The following TRIOBP variants were observed in gnomAD, a reference collection of about 807,000 sequenced individuals.
TRIOBP encodes TRIO and F-actin binding protein.
TRIOBP carries 169 observed loss-of-function variants against 238.8 expected under a neutral mutation model. The observed-to-expected ratio is 0.71, with a 90% confidence interval of 0.62 to 0.80. TRIOBP has a LOEUF of 0.80. TRIOBP is among the 30% of genes least tolerant of loss of function. The pLI is 0.00. For synonymous variants in TRIOBP, 1,150 were observed against 1,274.4 expected, an observed-to-expected ratio of 0.90 and a Z score of 2.08; for missense variants, 2,838 against 3,122.6, an observed-to-expected ratio of 0.91 and a Z score of 2.17.
intron 19 of TRIOBP, 116 bp from the exon 20 acceptor site, chr22:37,768,912 G>C: frequency 6.8e-7 from 1 of 1,469,628 alleles, no homozygotes; most frequent in Non-Finnish European, 9.5e-7. Flanking sequence ...CAGGCTAAAG[G>C]CAAACCTAGA....
chr22:37,720,936 C>T (rs979925699), intron 6 of TRIOBP, among the ~76,000 whole-genome samples: 7 of 152,104 alleles, frequency 4.6e-5, no homozygotes, highest in Admixed American at 1.3e-4. Flanking sequence ...CAGCTCACTG[C>T]AACCTCCACC....
At chr22:37,754,087 G>A (rs1925775923) in intron 12 of TRIOBP, among the ~76,000 whole-genome samples, 1 of 152,178 alleles carries the variant, frequency 6.6e-6, no homozygotes, top group Admixed American at 6.5e-5. Flanking sequence ...ACCTGCTGCG[G>A]ATGTGGGTAG....
intron 15 of TRIOBP, 125 bp downstream of exon 15, chr22:37,755,784 G>A (rs1321347219): frequency 2.6e-6 from 2 of 782,996 alleles, no homozygotes; most frequent in East Asian, 2.7e-5. Flanking sequence ...AACAACATGG[G>A]AAGAGAGTAG....
rs751568015 is a variant in TRIOBP at position 37,757,699 on chromosome 22, C to A, written c.5774C>A (p.Ser1925Tyr). ...AAGGCAGGGGAGCAGCGGGCGGGCT[C>A]TGAGGTCATCAGCCGGGGTGGCCCT... is the stretch of plus-strand genomic sequence containing the variant. ...PLKAGEQRAG[S>Y]EVISRGGPRK... The change falls in exon 16 of 24, where the codon TCT becomes TAT. Residue 1925 changes from serine to tyrosine, a missense_variant. Ser to Tyr is a moderately radical substitution (Grantham distance 144, BLOSUM62 -2). This residue lies in a region of TRIOBP where 2,096 missense variants were observed against 2,137.4 expected (regional missense o/e 0.98). Transcript: ENST00000644935. 1.3e-5 allele frequency: 20 copies of A among 1,584,112 alleles called. No individual in the cohort carries two copies. In the South Asian group the frequency reaches 2.2e-4, roughly 17 times the overall value.
At chr22:37,736,315 C>T (rs896215747) in intron 9 of TRIOBP, among the ~76,000 whole-genome samples, 1 of 152,170 alleles carries the variant, frequency 6.6e-6, no homozygotes, top group Non-Finnish European at 1.5e-5. Context: ...ATGGACCAAC[C>T]ACTTCTCTGA....
At chr22:37,712,145 C>T (rs1428717631) in intron 4 of TRIOBP, among the ~76,000 whole-genome samples, 1 of 151,764 alleles carries the variant, frequency 6.6e-6, no homozygotes, top group African/African-American at 2.4e-5. Context: ...AGTCTCTTGA[C>T]CTCTCTGAGC....
At chr22:37,755,782 G>A (rs1925888441) in intron 15 of TRIOBP, 123 bp downstream of exon 15, 7 of 793,916 alleles carry the variant, frequency 8.8e-6, no homozygotes, top group Non-Finnish European at 1.5e-5. Context: ...TCAACAACAT[G>A]GGAAGAGAGT....
intron 11 of TRIOBP, among the ~76,000 whole-genome samples, chr22:37,747,229 G>T (rs1350724648): frequency 1.3e-5 from 2 of 152,198 alleles, no homozygotes; most frequent in African/African-American, 4.8e-5. Context: ...GTTGCCCGAG[G>T]TCACCCCAAG....
intron 3 of TRIOBP, among the ~76,000 whole-genome samples, chr22:37,704,009 G>A (rs546793204): frequency 6.6e-6 from 1 of 152,114 alleles, no homozygotes; most frequent in Non-Finnish European, 1.5e-5. Context: ...ACCCGAGACC[G>A]TGGGTCAGCT....
At chr22:37,768,970 T>G in intron 19 of TRIOBP, 58 bp from the exon 20 acceptor site, 1 of 1,611,364 alleles carries the variant, frequency 6.2e-7, no homozygotes, top group Non-Finnish European at 8.5e-7. Context: ...CTGACTGGAC[T>G]CCAGGCTTGG....
intron 2 of TRIOBP, among the ~76,000 whole-genome samples, chr22:37,699,575 C>G: frequency 6.6e-6 from 1 of 152,162 alleles, no homozygotes; most frequent in South Asian, 2.1e-4. Flanking sequence ...GAGTCTCACT[C>G]TTATCACCCA....
chr22:37,717,932 G>A (rs1405047190), intron 6 of TRIOBP, among the ~76,000 whole-genome samples: 4 of 152,230 alleles, frequency 2.6e-5, no homozygotes, highest in Non-Finnish European at 4.4e-5. Context: ...AGGAGCCCAC[G>A]GAGGCGGGGG....
chr22:37,763,121 C>T (rs1926322150), intron 17 of TRIOBP, among the ~76,000 whole-genome samples: 1 of 152,174 alleles, frequency 6.6e-6, no homozygotes, highest in Non-Finnish European at 1.5e-5. Flanking sequence ...GGTCTGCCTG[C>T]CTGGTCTGGC....
At chr22:37,739,085 C>T (rs919415306) in intron 10 of TRIOBP, among the ~76,000 whole-genome samples, 3 of 152,116 alleles carry the variant, frequency 2.0e-5, no homozygotes, top group South Asian at 4.1e-4. Flanking sequence ...AGGGCTTCCA[C>T]GAGCAGGAGC....
intron 6 of TRIOBP, among the ~76,000 whole-genome samples, chr22:37,721,783 G>A (rs1185682809): frequency 6.6e-6 from 1 of 152,162 alleles, no homozygotes; most frequent in Non-Finnish European, 1.5e-5. Flanking sequence ...ACCCATAGTT[G>A]TGGCTCCTTT....
chr22:37,713,401 C>G lies in TRIOBP; in HGVS notation c.446C>G (p.Ser149Trp). The change falls in exon 5 of 24, where the codon TCG becomes TGG. Residue 149 changes from serine to tryptophan, a missense_variant. Ser to Trp is a radical substitution (Grantham distance 177). Transcript: ENST00000644935. ...DSATPDDTSN[S>W]SSVDWDTVER... ...GCCACCCCTGATGATACCAGCAACT[C>G]GTCCTCTGTGGTGAGCCAGGAGTGG... 2 of 1,613,176 alleles carry G rather than the reference C, an allele frequency of 1.2e-6. No homozygotes were observed. Among genetic ancestry groups the G allele is most frequent in the Non-Finnish European group, 1.7e-6 (2 of 1,180,012 alleles).
chr22:37,704,380 C>CACAGAACAGAACAGA (rs1569031477), intron 3 of TRIOBP, among the ~76,000 whole-genome samples: 2 of 133,792 alleles, frequency 1.5e-5, no homozygotes, highest in African/African-American at 5.9e-5. Flanking sequence ...TGGACCCTGA[C>CACAGAACAGAACAGA]TCAGAACAGA....
chr22:37,705,457 A>C (rs1265059879), intron 3 of TRIOBP, among the ~76,000 whole-genome samples: 3 of 150,524 alleles, frequency 2.0e-5, no homozygotes, highest in African/African-American at 5.0e-5. Flanking sequence ...GACAGGCAAG[A>C]GGGGGGCACA....
chr22:37,714,358 C>T (rs1312412548), intron 5 of TRIOBP, among the ~76,000 whole-genome samples: 1 of 152,182 alleles, frequency 6.6e-6, no homozygotes, highest in Non-Finnish European at 1.5e-5. Context: ...GCAAACAGCA[C>T]ATGCTTTTAA....
Sources: allele counts gnomAD v4.1 joint callset (sites outside exome capture counted in the v4.1 genomes callset), GRCh38; gene constraint gnomAD v4.1.1; regional missense constraint gnomAD v4.1.1; transcripts MANE v1.5; gene names NCBI Gene and HGNC (gene_info 2026-07-23, HGNC 2026-07-21).